The following PROKR2 variants were observed in gnomAD, a reference collection of about 807,000 sequenced individuals.
PROKR2 encodes G protein-coupled receptor 73-like 1.
Under a neutral mutation model 23.4 loss-of-function variants are expected in PROKR2, and 26 were observed. The observed-to-expected ratio is 1.11, with a 90% CI of 0.81 to 1.54. The LOEUF is 1.54. PROKR2 is among the 40% of genes most tolerant of loss of function. The probability of loss-of-function intolerance (pLI) is 0.00; values close to 1 mark genes in which losing one functional copy is unlikely to be tolerated. For missense variants in PROKR2, 453 were observed against 511.5 expected (o/e 0.89, Z 1.10); for synonymous variants, 212 against 201.2 (o/e 1.05, Z -0.45).
rs758128077 is a variant in PROKR2 at position 5,314,362 on chromosome 20, G to T, written c.8C>A (p.Ala3Asp). The T allele has an allele frequency of 5.0e-6, 8 of 1,613,932 alleles. No homozygotes were observed. Among genetic ancestry groups the T allele is most frequent in the South Asian group, 4.4e-5 (4 of 91,062 alleles). The change falls in exon 2 of 3, where the codon GCC becomes GAC. Residue 3 changes from alanine to aspartate, a missense_variant. Coordinates refer to ENST00000678254, the MANE Select transcript of PROKR2 (RefSeq NM_144773.4). MA[A>D]QNGNTSFTPN... ...TGTGAAACTGGTGTTTCCATTCTGG[G>T]CTGCCATGGTGATGTCTGCAAGAAA...
At chr20:5,312,579 C>T (rs1333843830) in intron 2 of PROKR2, among the ~76,000 whole-genome samples, 1 of 152,100 alleles carries the variant, frequency 6.6e-6, no homozygotes, top group Non-Finnish European at 1.5e-5. Flanking sequence ...AAGGAGGATG[C>T]TTCCTACACC....
chr20:5,305,462 G>C (rs983213604), intron 2 of PROKR2, among the ~76,000 whole-genome samples: 1 of 152,232 alleles, frequency 6.6e-6, no homozygotes. Context: ...CGTTGATTCA[G>C]ATTACAATAG....
intron 2 of PROKR2, among the ~76,000 whole-genome samples, chr20:5,313,204 GA>G (rs1273051840): frequency 6.6e-6 from 1 of 152,078 alleles, no homozygotes; most frequent in Non-Finnish European, 1.5e-5. Context: ...TAAAGGAAAG[GA>G]AAAAATAAAA....
chr20:5,315,851 T>G (rs1212359395), intron 1 of PROKR2: 1 of 456,464 alleles, frequency 2.2e-6, no homozygotes, highest in African/African-American at 2.0e-5. Flanking sequence ...TGGGGAGTCC[T>G]ACCCCTCCTC....
intron 2 of PROKR2, among the ~76,000 whole-genome samples, chr20:5,303,757 A>C (rs967226036): frequency 1.3e-5 from 2 of 152,170 alleles, no homozygotes; most frequent in Non-Finnish European, 1.5e-5. Flanking sequence ...CATGAAGGAC[A>C]GGGAGGAAAC....
At position 5,302,423 on chromosome 20, in the gene PROKR2, A is replaced by G. The variant is rs1257370060; in HGVS notation, c.772T>C (p.Phe258Leu). 1.9e-6 allele frequency: 3 copies of G among 1,614,064 alleles called. No homozygotes were observed. Among genetic ancestry groups the G allele is most frequent in the Non-Finnish European group, 2.5e-6 (3 of 1,180,032 alleles). ...RELWFKAVPG[F>L]QTEQIRKRLR... is the part of the protein sequence containing the mutation. ...CGCTTGCGAATCTGCTCCGTCTGGA[A>G]CCCAGGGACTGCCTTGAACCAGAGC... The change falls in exon 3 of 3, where the codon TTC becomes CTC. Residue 258 changes from phenylalanine (F) to leucine (L), a missense_variant. Phe to Leu is a conservative substitution (Grantham distance 22). Coordinates refer to ENST00000678254, the MANE Select transcript of PROKR2 (RefSeq NM_144773.4).
At chr20:5,314,834 C>T (rs778657444) in intron 1 of PROKR2, among the ~76,000 whole-genome samples, 1 of 152,206 alleles carries the variant, frequency 6.6e-6, no homozygotes, top group Non-Finnish European at 1.5e-5. Flanking sequence ...GGAACATTTC[C>T]AAGGATGCTC....
At position 5,302,398 on chromosome 20, in the gene PROKR2, C is replaced by T. The variant is rs143647776; in HGVS notation, c.797G>A (p.Arg266Gln). The part of the protein sequence containing the change: ...PGFQTEQIRK[R>Q]LRCRRKTVLV... ...GACCGTCTTCCTGCGGCAGCGCAGC[C>T]GCTTGCGAATCTGCTCCGTCTGGAA... The change falls in exon 3 of 3, where the codon CGG (arginine) becomes CAG (glutamine). Residue 266 changes from arginine (R) to glutamine (Q), a missense_variant. Arg to Gln is a conservative substitution (Grantham distance 43). Transcript: ENST00000678254. 96 of 1,614,100 alleles carry T rather than the reference C, an allele frequency of 5.9e-5. No individual in the cohort carries two copies. The highest frequency in any genetic ancestry group is 3.3e-4 in the African/African-American group (25 of 74,942).
At chr20:5,304,688 C>G (rs1979150324) in intron 2 of PROKR2, among the ~76,000 whole-genome samples, 1 of 152,196 alleles carries the variant, frequency 6.6e-6, no homozygotes, top group African/African-American at 2.4e-5. Flanking sequence ...GAACAATACC[C>G]TTCCTTTAGT....
intron 1 of PROKR2, chr20:5,315,694 A>G: frequency 2.8e-6 from 1 of 363,168 alleles, no homozygotes; most frequent in South Asian, 2.0e-5. Flanking sequence ...TGCGCCCGCC[A>G]GCTGCTTTCC....
At position 5,301,532 on chromosome 20, in the gene PROKR2, A is replaced by G. The variant is rs1241948911; in HGVS notation, c.*508T>C. 6.6e-6 allele frequency among the ~76,000 whole-genome samples: 1 copy of G among 152,208 alleles called. No homozygotes were observed. The highest frequency in any genetic ancestry group is 1.5e-5 in the Non-Finnish European group (1 of 68,030). On this transcript the variant is annotated 3_prime_UTR_variant, in exon 3 of 3. Coordinates refer to ENST00000678254, the MANE Select transcript of PROKR2 (RefSeq NM_144773.4). ...AGGCATGAGCCATCATGCCTGGCCT[A>G]TAGCCTTTTGATATTCCTGCACTGG...
In PROKR2 at chr20:5,300,898, C is replaced by A. The variant is rs1978960127; in HGVS notation, c.*1142G>T. Among the ~76,000 whole-genome samples, 2 of 152,226 alleles carry A rather than the reference C, an allele frequency of 1.3e-5. No homozygotes were observed. The highest frequency in any genetic ancestry group is 1.3e-4 in the Admixed American group (2 of 15,286). On this transcript the variant is annotated 3_prime_UTR_variant, in exon 3 of 3. Transcript: ENST00000678254. ...TGCACTGAGGAGGCAAAAATTGACA[C>A]CTCAGGATTACCCATCTCCACCCAA... is the stretch of plus-strand genomic sequence containing the variant.
intron 2 of PROKR2, among the ~76,000 whole-genome samples, chr20:5,305,788 T>C (rs944391255): frequency 1.3e-5 from 2 of 152,214 alleles, no homozygotes; most frequent in African/African-American, 4.8e-5. Flanking sequence ...CAATTTAACA[T>C]AGTTAGAGTT....
chr20:5,309,720 A>G (rs931177295), intron 2 of PROKR2, among the ~76,000 whole-genome samples: 6 of 152,306 alleles, frequency 3.9e-5, no homozygotes, highest in Non-Finnish European at 4.4e-5. Flanking sequence ...CCCATACTGA[A>G]TCCAAAGGGC....
chr20:5,300,681 G>C lies in PROKR2; in HGVS notation c.*1359C>G, dbSNP rs8115341. ...AGAAAACATCATGAATTTAGGACTT[G>C]AGTCTTAGAGTTAGGACCTGAACCC... On this transcript the variant is annotated 3_prime_UTR_variant, in exon 3 of 3. Coordinates refer to ENST00000678254, the MANE Select transcript of PROKR2 (RefSeq NM_144773.4). Among the ~76,000 whole-genome samples the C allele has an allele frequency of 2.0e-5, 3 of 151,960 alleles. No homozygotes were observed. Among genetic ancestry groups the C allele is most frequent in the African/African-American group, 7.3e-5 (3 of 41,360 alleles).
intron 2 of PROKR2, among the ~76,000 whole-genome samples, chr20:5,305,544 T>C (rs907381955): frequency 5.9e-5 from 9 of 152,216 alleles, no homozygotes; most frequent in Non-Finnish European, 1.2e-4. Context: ...GCACAGCTCC[T>C]GATTGTGCCG....
Position 5,314,118 on chromosome 20 carries a change from C to T in PROKR2, c.252G>A (p.Leu84=), listed in dbSNP as rs1462735911. 1.2e-6 allele frequency: 2 copies of T among 1,614,204 alleles called. No homozygotes were observed. The change falls in exon 2 of 3, where the codon TTG becomes TTA. Residue 84 remains leucine (L), a synonymous_variant. Coordinates refer to ENST00000678254, the MANE Select transcript of PROKR2 (RefSeq NM_144773.4). ...CAATGAGCAGATTGGTGAGGTTGCG[C>T]AACTTCTTATAGCGGGTGAGGGCAG... ...FIAALTRYKK[L]RNLTNLLIAN...
rs775632655 is a variant in PROKR2, at chr20:5,301,994, G to A, written c.*46C>T. ...ATGAACTTGGTTGATGGTGGGTGAT[G>A]CTCTGAGTACTGGACTGGGGTTTTC... On this transcript the variant is annotated 3_prime_UTR_variant, in exon 3 of 3. Coordinates refer to ENST00000678254, the MANE Select transcript of PROKR2 (RefSeq NM_144773.4). The A allele has an allele frequency of 9.1e-6, 14 of 1,538,528 alleles. No individual in the cohort carries two copies. In the East Asian group the frequency reaches 1.1e-4, roughly 12 times the overall value.
At position 5,316,164 on chromosome 20, in the gene PROKR2, G is replaced by A. The variant is rs1393882594; in HGVS notation, c.-9+330C>T. The A allele has an allele frequency of 2.2e-6, 1 of 456,658 alleles. No homozygotes were observed. The highest frequency in any genetic ancestry group is 2.3e-5 in the Admixed American group (1 of 42,580). The allele number at this position is 456,658 out of a possible 1,614,324, so 28.3% of individuals were successfully genotyped here. On this transcript the variant is annotated intron_variant, in intron 1 of 2. Transcript: ENST00000678254. The surrounding 1 kb of genome is among the most constrained non-coding windows in gnomAD (Gnocchi z 5.0). Reference sequence around the variant, plus strand: ...TCCCCACGGACGCTTGCTGTTTCCTGCTCACCTTTCAGGAAGGTGCCCCTC... The same window carrying A: ...TCCCCACGGACGCTTGCTGTTTCCTACTCACCTTTCAGGAAGGTGCCCCTC...
Sources: allele counts gnomAD v4.1 joint callset (sites outside exome capture counted in the v4.1 genomes callset), GRCh38; gene constraint gnomAD v4.1.1; non-coding constraint Gnocchi (gnomAD v3.1); transcripts MANE v1.5; gene names NCBI Gene and HGNC (gene_info 2026-07-23, HGNC 2026-07-21).